USP43: variants seen among roughly 807,000 people sequenced by gnomAD.
The protein encoded by USP43 is ubiquitin specific peptidase 43, also known as ubiquitin carboxyl-terminal hydrolase 43.
In USP43, 33 loss-of-function variants were observed where a neutral mutation model predicts 90.7. The ratio of observed to expected loss-of-function variants is 0.36; its 90% CI spans 0.28 to 0.49. The LOEUF (loss-of-function observed/expected upper bound fraction) is 0.49, where lower values mean the gene tolerates loss of function less well. Among genes scored for constraint, USP43 ranks in the 20% least tolerant of loss-of-function variants. USP43 has a pLI of 0.98. For synonymous variants in USP43, 598 were observed against 615.8 expected, an observed-to-expected ratio of 0.97 and a Z score of 0.43; for missense variants, 1,274 against 1,476.4, an observed-to-expected ratio of 0.86 and a Z score of 2.25.
At chr17:9,645,450 G>T, upstream of USP43, 2 of 447,734 alleles carry the variant, frequency 4.5e-6, no homozygotes, top group Non-Finnish European at 6.6e-6. This position sits in a 1 kb window ranked among gnomAD's most constrained non-coding sequence, Gnocchi z 6.8. Flanking sequence ...GGGGCTGGTC[G>T]TGCCGCCGGA....
intron 14 of USP43, among the ~76,000 whole-genome samples, chr17:9,723,102 ACT>A (rs1917051365): frequency 6.6e-6 from 1 of 151,876 alleles, no homozygotes; most frequent in Admixed American, 6.6e-5. Context: ...TGGTTGCACG[ACT>A]CTTGAGTCGC....
Position 9,729,110 on chromosome 17 carries a change from A to ATTT in USP43, c.*131_*133dup, listed in dbSNP as rs367655692. ...GTTGTCTTGTAATCTCTAAAAAAAA[A>ATTT]TTTTTTTTTTTTTGTGGTGGGGGGT... On this transcript the variant is annotated 3_prime_UTR_variant, in exon 15 of 15. Transcript: ENST00000285199. The ATTT allele has an allele frequency of 7.2e-6, 6 of 828,126 alleles. No homozygotes were observed. Among genetic ancestry groups the ATTT allele is most frequent in the Non-Finnish European group, 8.2e-6 (5 of 611,426 alleles). The allele number at this position is 828,126 out of a possible 1,614,324, so 51.3% of individuals were successfully genotyped here. A position where few individuals can be genotyped will look rare whatever the true frequency, so the allele number is the denominator to read the frequency against.
intron 13 of USP43, among the ~76,000 whole-genome samples, chr17:9,710,457 C>T (rs976428191): frequency 1.4e-5 from 2 of 147,688 alleles, no homozygotes; most frequent in Non-Finnish European, 3.0e-5. Context: ...GTTGGAAAGG[C>T]AGGGCAGTTA....
In USP43 at chr17:9,691,055, A is replaced by G. The variant is rs187473000; in HGVS notation, c.1354-2072A>G. ...TTTTACATCTGGCTTATTTCACTAA[A>G]TGTCATGTTTTCAAGGGTCATCTGT... On this transcript the variant is annotated intron_variant, in intron 8 of 14. Coordinates refer to ENST00000285199, the MANE Select transcript of USP43 (RefSeq NM_153210.5). Among the ~76,000 whole-genome samples the G allele has an allele frequency of 3.0e-3, 456 of 151,608 alleles. 1 individual carries two copies. Among genetic ancestry groups the G allele is most frequent in the South Asian group, 6.3e-3 (30 of 4,798 alleles).
intron 9 of USP43, among the ~76,000 whole-genome samples, chr17:9,697,671 T>TC (rs1915355609): frequency 6.6e-6 from 1 of 151,892 alleles, no homozygotes; most frequent in African/African-American, 2.4e-5. Flanking sequence ...GAATTCTTTT[T>TC]TTTTTTTTTT....
intron 9 of USP43, among the ~76,000 whole-genome samples, chr17:9,694,839 G>C (rs1244555549): frequency 1.3e-5 from 2 of 152,112 alleles, no homozygotes; most frequent in African/African-American, 2.4e-5. Context: ...GGTCAGGCTG[G>C]TCTCGAACTC....
intron 13 of USP43, among the ~76,000 whole-genome samples, 176 bp from the exon 14 acceptor site, chr17:9,711,792 A>G (rs906835196): frequency 2.0e-5 from 3 of 152,168 alleles, no homozygotes; most frequent in African/African-American, 7.2e-5. Context: ...TCACATGGGA[A>G]ACCCGATCAC....
chr17:9,708,642 T>G (rs772844498), intron 12 of USP43, among the ~76,000 whole-genome samples: 1 of 152,166 alleles, frequency 6.6e-6, no homozygotes, highest in African/African-American at 2.4e-5. Context: ...TGTTGTTGTT[T>G]TTTGAGACGG....
chr17:9,679,982 C>G (rs1914056496), intron 5 of USP43, among the ~76,000 whole-genome samples: 1 of 147,108 alleles, frequency 6.8e-6, no homozygotes, highest in African/African-American at 2.5e-5. Context: ...TGTCATTTTT[C>G]TATGCTTGTT....
intron 14 of USP43, among the ~76,000 whole-genome samples, chr17:9,721,437 G>A (rs574139166): frequency 3.9e-5 from 6 of 152,238 alleles, no homozygotes; most frequent in African/African-American, 1.4e-4. Context: ...CAAGAATGTG[G>A]TTTTCAAAAA....
chr17:9,652,959 C>T (rs1911978158), intron 1 of USP43, among the ~76,000 whole-genome samples: 1 of 151,848 alleles, frequency 6.6e-6, no homozygotes, highest in Non-Finnish European at 1.5e-5. Context: ...TCTTCTATGA[C>T]CGGATTATTA....
intron 2 of USP43, among the ~76,000 whole-genome samples, chr17:9,666,238 G>C (rs1335634874): frequency 6.6e-6 from 1 of 152,210 alleles, no homozygotes; most frequent in Non-Finnish European, 1.5e-5. Flanking sequence ...TAGCAGGCAG[G>C]TGGAAGGTGG....
chr17:9,715,665 G>T (rs1005611987), intron 14 of USP43, among the ~76,000 whole-genome samples: 2 of 145,378 alleles, frequency 1.4e-5, no homozygotes, highest in African/African-American at 5.1e-5. Flanking sequence ...ATGTGTATGT[G>T]CCTGTGTGTG....
At chr17:9,711,819 T>G in intron 13 of USP43, 149 bp from the exon 14 acceptor site, 2 of 859,282 alleles carry the variant, frequency 2.3e-6, no homozygotes, top group Non-Finnish European at 3.2e-6. Context: ...CCCCTCTCCT[T>G]GTTGACAGGT....
chr17:9,687,548 G>A (rs192251059), intron 8 of USP43, among the ~76,000 whole-genome samples: 1 of 152,112 alleles, frequency 6.6e-6, no homozygotes, highest in Non-Finnish European at 1.5e-5. Flanking sequence ...TTGATTTTTT[G>A]TTTTTAGCTC....
intron 10 of USP43, among the ~76,000 whole-genome samples, 181 bp from the exon 11 acceptor site, chr17:9,700,938 T>A (rs2151988105): frequency 6.6e-6 from 1 of 152,066 alleles, no homozygotes; most frequent in East Asian, 1.9e-4. Flanking sequence ...GGAGAGAGAA[T>A]TCCAGTAAAA....
At chr17:9,710,718 G>A (rs1916143284) in intron 13 of USP43, among the ~76,000 whole-genome samples, 1 of 151,902 alleles carries the variant, frequency 6.6e-6, no homozygotes, top group African/African-American at 2.4e-5. Flanking sequence ...ATGTTGGCCA[G>A]GAGGATGGTC....
intron 8 of USP43, among the ~76,000 whole-genome samples, chr17:9,690,910 A>G (rs1432414727): frequency 2.0e-5 from 3 of 152,100 alleles, no homozygotes; most frequent in Admixed American, 2.0e-4. Context: ...ATACCTATTA[A>G]ACAACAATTC....
chr17:9,728,433 G>A lies in USP43; in HGVS notation c.2815G>A (p.Val939Met), dbSNP rs1225946695. The A allele has an allele frequency of 6.2e-7, 1 of 1,611,688 alleles. No individual in the cohort carries two copies. Among genetic ancestry groups the A allele is most frequent in the African/African-American group, 1.3e-5 (1 of 74,840 alleles). The change falls in exon 15 of 15, where the codon GTG becomes ATG. Residue 939 changes from valine (V) to methionine (M), a missense_variant. Val to Met is a conservative substitution (Grantham distance 21). Transcript: ENST00000285199. The surrounding 1 kb of genome is among the most constrained non-coding windows in gnomAD (Gnocchi z 6.2). ...CCTGCCTCTCACTGTGATGCCTTCA[G>A]TGGAGCATGAGAAACCAGCTCGACC... is the stretch of plus-strand genomic sequence containing the variant. ...FDLPLTVMPS[V>M]EHEKPARPEG...
Sources: gnomAD v4.1 joint callset for allele counts (sites outside exome capture counted in the v4.1 genomes callset) on GRCh38, gnomAD v4.1.1 for gene constraint, Gnocchi (gnomAD v3.1) non-coding constraint, MANE v1.5 for transcripts, NCBI Gene and HGNC (gene_info 2026-07-23, HGNC 2026-07-21) for gene names.